ADAMTS7: variants seen among roughly 807,000 people sequenced by gnomAD.
ADAMTS7 encodes A disintegrin and metalloproteinase with thrombospondin motifs 7.
ADAMTS7 carries 89 observed loss-of-function variants against 172.6 expected under a neutral mutation model. That is an observed-to-expected ratio of 0.52 (90% CI 0.43 to 0.61). The LOEUF is 0.61. Among genes scored for constraint, ADAMTS7 ranks in the 20% least tolerant of loss-of-function variants. ADAMTS7 has a pLI of 0.00. For synonymous variants in ADAMTS7, 885 were observed against 978.4 expected (o/e 0.90, Z 1.78); for missense variants, 1,973 against 2,355.6 (o/e 0.84, Z 3.36).
At chr15:78,800,627 GC>G in intron 1 of ADAMTS7, 80 bp from the exon 2 acceptor site, 3 of 1,319,878 alleles carry the variant, frequency 2.3e-6, no homozygotes, top group Non-Finnish European at 3.2e-6. Context: ...GAAGGGAGCG[GC>G]CAAGAGGGGG....
In ADAMTS7 at chr15:78,797,125, GC is replaced by G. The variant is rs966174636; in HGVS notation, c.623-340del. 8.3e-4 allele frequency among the ~76,000 whole-genome samples: 127 copies of G among 152,316 alleles called. 2 individuals are homozygous for G. Among genetic ancestry groups the G allele is most frequent in the African/African-American group, 3.0e-3 (126 of 41,566 alleles). ...TGGGCCTGACAAAGCTGGCAACTGG[GC>G]CCCTATCTCCCCGTGTCACTTCCTC... is the stretch of plus-strand genomic sequence containing the variant. On this transcript the variant is annotated intron_variant, in intron 3 of 23. Transcript: ENST00000388820.
intron 1 of ADAMTS7, 105 bp downstream of exon 1, chr15:78,811,016 G>A (rs2055859081): frequency 4.3e-6 from 5 of 1,153,980 alleles, no homozygotes; most frequent in South Asian, 4.4e-5. Flanking sequence ...TCCAGGCACA[G>A]CGGAGCCGGC....
intron 4 of ADAMTS7, among the ~76,000 whole-genome samples, chr15:78,792,671 G>A (rs778023623): frequency 6.6e-6 from 1 of 152,150 alleles, no homozygotes; most frequent in Admixed American, 6.6e-5. Flanking sequence ...AAATTAGCTC[G>A]GCATAGTGGT....
At chr15:78,767,677 C>T in intron 17 of ADAMTS7, 85 bp from the exon 18 acceptor site, 1 of 1,310,814 alleles carries the variant, frequency 7.6e-7, no homozygotes, top group South Asian at 1.5e-5. Context: ...GGCTGGGCTT[C>T]CAGGCCCTCG....
At chr15:78,778,327 A>G (rs1383430324) in intron 8 of ADAMTS7, among the ~76,000 whole-genome samples, 1 of 152,166 alleles carries the variant, frequency 6.6e-6, no homozygotes, top group Non-Finnish European at 1.5e-5. Context: ...GGAAGCAGGG[A>G]CCCTGGGGAG....
At chr15:78,780,673 C>CA (rs1247834662) in intron 8 of ADAMTS7, among the ~76,000 whole-genome samples, 3 of 152,108 alleles carry the variant, frequency 2.0e-5, no homozygotes, top group African/African-American at 7.3e-5. Flanking sequence ...AGCTACCCTC[C>CA]AGTGCCCCCC....
chr15:78,764,190 C>A, intron 20 of ADAMTS7, 91 bp from the exon 21 acceptor site: 1 of 1,414,192 alleles, frequency 7.1e-7, no homozygotes, highest in Non-Finnish European at 9.3e-7. Flanking sequence ...GGCATCCAGG[C>A]CCACGCCCCA....
intron 17 of ADAMTS7, among the ~76,000 whole-genome samples, 200 bp from the exon 18 acceptor site, chr15:78,767,792 C>G (rs191636351): frequency 1.3e-5 from 2 of 152,098 alleles, no homozygotes; most frequent in African/African-American, 4.8e-5. Context: ...ACAGCCCCTC[C>G]GCTCCTGCCA....
In ADAMTS7 at chr15:78,796,762, CG is replaced by C; in HGVS notation, c.646del (p.Arg216GlyfsTer15). On this transcript the variant is annotated frameshift_variant, in exon 4 of 24. Transcript: ENST00000388820. LOFTEE classifies it high-confidence loss of function. ...VQVYPELESR[R>X]ERWEQRQQWR... ...CTGCTGCCGCTGCTCCCAACGCTCC[CG>C]TCGAGACTCCAGCTCTGGGTACACT... 1 of 1,611,472 alleles carries C rather than the reference CG, an allele frequency of 6.2e-7. No individual in the cohort carries two copies. The highest frequency in any genetic ancestry group is 8.5e-7 in the Non-Finnish European group (1 of 1,179,700).
chr15:78,789,626 G>C (rs1330635233), intron 7 of ADAMTS7, 63 bp downstream of exon 7: 1 of 1,591,484 alleles, frequency 6.3e-7, no homozygotes, highest in South Asian at 1.1e-5. Context: ...TGGATACCCG[G>C]TGCCCCCAGG....
At chr15:78,760,548 G>T (rs867333281) in intron 23 of ADAMTS7, among the ~76,000 whole-genome samples, 1 of 152,080 alleles carries the variant, frequency 6.6e-6, no homozygotes, top group Non-Finnish European at 1.5e-5. Flanking sequence ...GTCGCCCGGG[G>T]TGACCTCAGA....
rs535585882 is a variant in ADAMTS7, at chr15:78,766,077, A to C, written c.3834T>G (p.Pro1278=). ...CAGTGGGCCACAGTTCACTGTCCACAGGCCCCAGGCCACCCTCCAGAGCTG... is the reference window on the plus strand; with the variant it reads ...CAGTGGGCCACAGTTCACTGTCCACCGGCCCCAGGCCACCCTCCAGAGCTG... ...WEPALEGGLG[P]VDSELWPTVG... is the part of the protein sequence containing the mutation. The change falls in exon 19 of 24, where the codon CCT becomes CCG. Residue 1278 remains proline (P), a synonymous_variant. Transcript: ENST00000388820. The C allele has an allele frequency of 6.2e-7, 1 of 1,610,132 alleles. No homozygotes were observed. Among genetic ancestry groups the C allele is most frequent in the Admixed American group, 1.7e-5 (1 of 59,236 alleles).
intron 17 of ADAMTS7, 76 bp from the exon 18 acceptor site, chr15:78,767,668 G>A (rs1447168140): frequency 3.4e-5 from 47 of 1,392,090 alleles, no homozygotes; most frequent in Non-Finnish European, 6.7e-6. Flanking sequence ...GGGGGGCCAG[G>A]CTGGGCTTCC....
intron 1 of ADAMTS7, among the ~76,000 whole-genome samples, chr15:78,806,121 CACACACAAAAAAAAAAAAAAAA>C (rs2055789284): frequency 8.8e-5 from 2 of 22,640 alleles, no homozygotes; most frequent in South Asian, 2.5e-3. Flanking sequence ...CACACACACA[CACACACAAAAAAAAAAAAAAAA>C]AAAAAAAAAA....
In ADAMTS7 at chr15:78,811,212, G is replaced by T. The variant is rs961700571; in HGVS notation, c.9C>A (p.Gly3=). 6.5e-6 allele frequency: 8 copies of T among 1,228,058 alleles called. No homozygotes were observed. The African/African-American group carries it at 9.4e-5, about 14-fold the overall frequency. The allele number at this position is 1,228,058 out of a possible 1,614,324, so 76.1% of individuals were successfully genotyped here. ...GCGCGGGGCTGCGGGGACTGGGGCC[G>T]CCGGGCATGGCAGGAACCGGGCGGC... MP[G]GPSPRSPAPL... Residue 3 remains glycine (G), a synonymous_variant, in exon 1 of 24, where the codon GGC becomes GGA. Transcript: ENST00000388820.
chr15:78,768,065 G>GGGGGATGGGGTGGGGAGTTGGCT, intron 17 of ADAMTS7, 68 bp downstream of exon 17: 1 of 670,374 alleles, frequency 1.5e-6, no homozygotes. Context: ...GGGAGTTGGC[G>GGGGGATGGGGTGGGGAGTTGGCT]GGGGATGGGG....
chr15:78,773,984 T>G (rs57852320), intron 13 of ADAMTS7, among the ~76,000 whole-genome samples, 183 bp downstream of exon 13: 2 of 152,152 alleles, frequency 1.3e-5, no homozygotes, highest in East Asian at 3.9e-4. Flanking sequence ...GGGTACGGGC[T>G]GGGAAGCCCG....
Position 78,796,681 on chromosome 15 carries a change from C to T in ADAMTS7, c.728G>A (p.Trp243Ter). ...LHQRSVSKEK[W>*]VETLVVADAK... ...ATCAGCTACTACCAGGGTCTCCACC[C>T]ACTTCTCTTTGCTGACCGACCGCTG... The change falls in exon 4 of 24, where the codon TGG (tryptophan) becomes TAG (stop). Residue 243 changes from tryptophan (W) to a stop codon, truncating the protein, a stop_gained. Transcript: ENST00000388820. LOFTEE classifies it high-confidence loss of function. 1.2e-6 allele frequency: 2 copies of T among 1,614,102 alleles called. No individual in the cohort carries two copies. The highest frequency in any genetic ancestry group is 1.7e-4 in the Middle Eastern group (1 of 6,060).
At chr15:78,769,902 C>A (rs1356229309) in intron 16 of ADAMTS7, among the ~76,000 whole-genome samples, 1 of 152,234 alleles carries the variant, frequency 6.6e-6, no homozygotes, top group African/African-American at 2.4e-5. Flanking sequence ...TGGCTCACAC[C>A]TGTAATCCCA....
Sources: gnomAD v4.1 joint callset for allele counts (sites outside exome capture counted in the v4.1 genomes callset) on GRCh38, gnomAD v4.1.1 for gene constraint, MANE v1.5 for transcripts, NCBI Gene and HGNC (gene_info 2026-07-23, HGNC 2026-07-21) for gene names.